Variants in FAM222B observed in about 807,000 individuals in gnomAD.
The protein encoded by FAM222B is family with sequence similarity 222 member B, also known as protein FAM222B.
FAM222B carries 12 observed loss-of-function variants against 38.0 expected under a neutral mutation model. The observed-to-expected ratio is 0.32, with a 90% CI of 0.20 to 0.51. The LOEUF is 0.51. Among genes scored for constraint, FAM222B ranks in the 20% least tolerant of loss-of-function variants. FAM222B has a pLI of 0.97. For synonymous variants in FAM222B, 329 were observed against 317.2 expected (o/e 1.04, Z -0.40); for missense variants, 716 against 754.2 (o/e 0.95, Z 0.59).
At chr17:28,849,258 CAAAAA>C (rs764429126) in intron 1 of FAM222B, 2 of 67,784 alleles carry the variant, frequency 3.0e-5, no homozygotes, top group East Asian at 4.3e-4. Flanking sequence ...GACTCCGTCT[CAAAAA>C]AAAAAAAAAA....
rs370607549 is a variant in FAM222B at position 28,766,367 on chromosome 17, T to C, written c.82+219A>G. Among the ~76,000 whole-genome samples the C allele has an allele frequency of 2.6e-5, 4 of 151,920 alleles. No individual in the cohort carries two copies. The East Asian group carries it at 5.8e-4, about 22-fold the overall frequency. ...TACTCGGGAGGCTGAAGCAAGAGAA[T>C]TGCTTAACCCGGGAGGGAGAGGTTG... On this transcript the variant is annotated intron_variant, in intron 2 of 2. Transcript: ENST00000581407.
intron 1 of FAM222B, among the ~76,000 whole-genome samples, chr17:28,789,763 A>G (rs1027364889): frequency 6.6e-6 from 1 of 152,216 alleles, no homozygotes; most frequent in African/African-American, 2.4e-5. Flanking sequence ...AAAGTACTAG[A>G]TGAGTCTAAT....
chr17:28,797,305 G>A (rs558795768), intron 1 of FAM222B, among the ~76,000 whole-genome samples: 2 of 152,026 alleles, frequency 1.3e-5, no homozygotes, highest in East Asian at 1.9e-4. Flanking sequence ...TGGCTATTGC[G>A]ATTTTGAGGT....
In FAM222B at chr17:28,790,883, A is replaced by AAATTTTTTTTTTTTT. The variant is rs1567838640; in HGVS notation, c.-40-24177_-40-24176insAAAAAAAAAAAAATT. Among the ~76,000 whole-genome samples, 17 of 8,908 alleles carry AAATTTTTTTTTTTTT rather than the reference A, an allele frequency of 1.9e-3. 1 individual carries two copies. The highest frequency in any genetic ancestry group is 8.6e-3 in the African/African-American group (16 of 1,852). The allele number at this position is 8,908 out of a possible 152,430, so 5.8% of individuals were successfully genotyped here. A position where few individuals can be genotyped will look rare whatever the true frequency, so the allele number is the denominator to read the frequency against. On this transcript the variant is annotated intron_variant, in intron 1 of 2. Coordinates refer to ENST00000581407, the MANE Select transcript of FAM222B (RefSeq NM_001077498.3). Reference sequence around the variant, plus strand: ...TGTTCTATATATTTCAAATTGTTTCACTTTTTTTTTTTTTTTTTTTTTTTT... The same window carrying AAATTTTTTTTTTTTT: ...TGTTCTATATATTTCAAATTGTTTCAAATTTTTTTTTTTTTCTTTTTTTTTTTTTTTTTTTTTTTT...
intron 1 of FAM222B, chr17:28,849,089 GTC>G (rs2039164658): frequency 6.6e-6 from 1 of 151,926 alleles, no homozygotes; most frequent in Non-Finnish European, 1.5e-5. Flanking sequence ...GTGAAATCTC[GTC>G]TCCACTAAAA....
At chr17:28,778,715 ATATATTTT>A (rs2036020404) in intron 1 of FAM222B, among the ~76,000 whole-genome samples, 1 of 66,240 alleles carries the variant, frequency 1.5e-5, no homozygotes. Context: ...ATATATATAT[ATATATTTT>A]TTTTTTTTTT....
At chr17:28,810,339 T>A (rs1036093435) in intron 1 of FAM222B, among the ~76,000 whole-genome samples, 3 of 152,158 alleles carry the variant, frequency 2.0e-5, no homozygotes, top group Non-Finnish European at 4.4e-5. Context: ...ACCTTAGATA[T>A]CAAAGTGCAC....
intron 1 of FAM222B, among the ~76,000 whole-genome samples, chr17:28,812,675 C>T (rs979250579): frequency 1.3e-5 from 2 of 152,088 alleles, no homozygotes; most frequent in African/African-American, 4.8e-5. Context: ...TCTCCCGGCC[C>T]CTACCCCAAA....
intron 1 of FAM222B, among the ~76,000 whole-genome samples, chr17:28,794,864 G>A (rs2036864394): frequency 6.6e-6 from 1 of 151,936 alleles, no homozygotes; most frequent in Non-Finnish European, 1.5e-5. Flanking sequence ...AGGCTGAGGT[G>A]GGCAGATCAC....
At chr17:28,821,930 A>C (rs1310914072) in intron 1 of FAM222B, among the ~76,000 whole-genome samples, 1 of 151,942 alleles carries the variant, frequency 6.6e-6, no homozygotes, top group Non-Finnish European at 1.5e-5. Flanking sequence ...GCACCATTGC[A>C]CTCCAGCCTG....
At chr17:28,793,304 T>A (rs971458711) in intron 1 of FAM222B, among the ~76,000 whole-genome samples, 1 of 152,158 alleles carries the variant, frequency 6.6e-6, no homozygotes, top group Non-Finnish European at 1.5e-5. Context: ...ACCTCAAGTG[T>A]CATGCAAACT....
intron 1 of FAM222B, among the ~76,000 whole-genome samples, chr17:28,803,745 C>T (rs891058915): frequency 1.6e-4 from 24 of 152,000 alleles, no homozygotes; most frequent in Admixed American, 1.2e-3. Flanking sequence ...TTTGGGAGGC[C>T]GAGACGGGTG....
chr17:28,775,260 G>C (rs2035831914), intron 1 of FAM222B, among the ~76,000 whole-genome samples: 1 of 151,846 alleles, frequency 6.6e-6, no homozygotes, highest in Non-Finnish European at 1.5e-5. Context: ...TGGGATTACA[G>C]ACATGGGCCA....
chr17:28,851,763 T>A (rs1432066169), intron 1 of FAM222B, among the ~76,000 whole-genome samples: 1 of 150,922 alleles, frequency 6.6e-6, no homozygotes, highest in Non-Finnish European at 1.5e-5. Flanking sequence ...TAATCCCAGC[T>A]ACTCGGGAGG....
intron 1 of FAM222B, among the ~76,000 whole-genome samples, chr17:28,814,753 C>T (rs908850136): frequency 2.7e-5 from 4 of 150,308 alleles, no homozygotes; most frequent in Non-Finnish European, 5.9e-5. Flanking sequence ...AGGCATGAGC[C>T]AACGTGCCAG....
intron 1 of FAM222B, among the ~76,000 whole-genome samples, chr17:28,813,099 A>G (rs2037871910): frequency 1.1e-5 from 1 of 95,116 alleles, no homozygotes; most frequent in African/African-American, 4.5e-5. Flanking sequence ...GGTGGGGTGG[A>G]GAAGGGAATA....
chr17:28,818,755 A>C (rs948181428), intron 1 of FAM222B, among the ~76,000 whole-genome samples: 3 of 152,180 alleles, frequency 2.0e-5, no homozygotes, highest in Non-Finnish European at 2.9e-5. Flanking sequence ...AGAGCTGGAA[A>C]GAAGGGGCAA....
At chr17:28,848,208 A>G (rs966620835) in intron 1 of FAM222B, among the ~76,000 whole-genome samples, 2 of 152,120 alleles carry the variant, frequency 1.3e-5, no homozygotes, top group Admixed American at 6.6e-5. Context: ...ATCCAGCTCC[A>G]GTGGGAAAGA....
intron 1 of FAM222B, among the ~76,000 whole-genome samples, chr17:28,807,989 T>TA (rs1260166430): frequency 6.6e-6 from 1 of 152,224 alleles, no homozygotes; most frequent in Non-Finnish European, 1.5e-5. Flanking sequence ...ACAGTCTGGG[T>TA]AATTAATTCA....
Sources: gnomAD v4.1 joint callset for allele counts (sites outside exome capture counted in the v4.1 genomes callset) on GRCh38, gnomAD v4.1.1 for gene constraint, MANE v1.5 for transcripts, NCBI Gene and HGNC (gene_info 2026-07-23, HGNC 2026-07-21) for gene names.